Variants in PHLPP1 observed in about 807,000 individuals in gnomAD.
The protein encoded by PHLPP1 is PH domain and leucine rich repeat protein phosphatase 1, also known as PH domain leucine-rich repeat-containing protein phosphatase 1.
Under a neutral mutation model 117.2 loss-of-function variants are expected in PHLPP1, and 42 were observed. The observed-to-expected ratio is 0.36, with a 90% CI of 0.28 to 0.46. The LOEUF (loss-of-function observed/expected upper bound fraction) is 0.46. PHLPP1 is among the 20% of genes least tolerant of loss of function. The probability of loss-of-function intolerance (pLI) is 1.00; values close to 1 mark genes in which losing one functional copy is unlikely to be tolerated. For missense variants in PHLPP1, 2,084 were observed against 2,241.9 expected (o/e 0.93, Z 1.42); for synonymous variants, 1,042 against 970.7 (o/e 1.07, Z -1.37).
Position 62,916,605 on chromosome 18 carries a change from G to GGTGTGTGTGTGTGTGTGTGT in PHLPP1, c.2804+1604_2804+1623dup, listed in dbSNP as rs71340133. 8.7e-3 allele frequency among the ~76,000 whole-genome samples: 1,265 copies of GGTGTGTGTGTGTGTGTGTGT among 145,802 alleles called. 25 individuals carry two copies. Among genetic ancestry groups the GGTGTGTGTGTGTGTGTGTGT allele is most frequent in the African/African-American group, 0.03 (1,198 of 39,594 alleles). ...AGCCATCACCATTAACAAGAGGGTG[G>GGTGTGTGTGTGTGTGTGTGT]GTGTGTGTGTGTGTGTGTGTGTGTG... is the stretch of plus-strand genomic sequence containing the variant. On this transcript the variant is annotated intron_variant, in intron 9 of 16. Coordinates refer to ENST00000262719, the MANE Select transcript of PHLPP1 (RefSeq NM_194449.4).
chr18:62,760,961 G>A (rs916669723), intron 1 of PHLPP1, among the ~76,000 whole-genome samples: 6 of 152,124 alleles, frequency 3.9e-5, no homozygotes, highest in African/African-American at 1.4e-4. Flanking sequence ...CTGAGCTCAG[G>A]TGATCCTCCT....
intron 1 of PHLPP1, among the ~76,000 whole-genome samples, chr18:62,728,840 A>C (rs1200411391): frequency 6.6e-6 from 1 of 151,920 alleles, no homozygotes; most frequent in African/African-American, 2.4e-5. Flanking sequence ...AAGGAAGGCT[A>C]ACATGCCTAT....
intron 10 of PHLPP1, among the ~76,000 whole-genome samples, chr18:62,922,855 A>G (rs1401160149): frequency 6.6e-6 from 1 of 152,226 alleles, no homozygotes; most frequent in Non-Finnish European, 1.5e-5. Context: ...TTAAGTAAGA[A>G]CAGTTGTAGT....
intron 2 of PHLPP1, among the ~76,000 whole-genome samples, chr18:62,831,721 T>C (rs1914763142): frequency 6.6e-6 from 1 of 152,212 alleles, no homozygotes; most frequent in Non-Finnish European, 1.5e-5. Flanking sequence ...CACATGTGTA[T>C]GGTAATAAAT....
At chr18:62,835,171 G>A (rs934017310) in intron 2 of PHLPP1, among the ~76,000 whole-genome samples, 27 of 151,306 alleles carry the variant, frequency 1.8e-4, no homozygotes, top group Middle Eastern at 3.4e-3. Context: ...GTGTTGAATA[G>A]AAACAGTAGA....
At chr18:62,778,233 CTT>C (rs1163431389) in intron 1 of PHLPP1, among the ~76,000 whole-genome samples, 1 of 152,052 alleles carries the variant, frequency 6.6e-6, no homozygotes, top group African/African-American at 2.4e-5. Context: ...ATACAGGAGA[CTT>C]TTTTTGAGGG....
chr18:62,792,806 C>T (rs970447735), intron 1 of PHLPP1, among the ~76,000 whole-genome samples: 22 of 142,384 alleles, frequency 1.5e-4, no homozygotes, highest in Non-Finnish European at 2.8e-4. Flanking sequence ...GTCAAGGCTG[C>T]AGTGAACCAT....
chr18:62,954,956 G>C (rs745972625), intron 12 of PHLPP1, among the ~76,000 whole-genome samples: 2 of 152,092 alleles, frequency 1.3e-5, no homozygotes, highest in African/African-American at 2.4e-5. Flanking sequence ...AGTGCACTGC[G>C]CTTAGGATAT....
At chr18:62,755,969 A>G (rs2144241181) in intron 1 of PHLPP1, among the ~76,000 whole-genome samples, 1 of 150,700 alleles carries the variant, frequency 6.6e-6, no homozygotes, top group African/African-American at 2.5e-5. Flanking sequence ...ATGATTTGTG[A>G]GAATATTTTT....
At chr18:62,917,816 TAAAA>T (rs1352366612) in intron 9 of PHLPP1, among the ~76,000 whole-genome samples, 2 of 148,072 alleles carry the variant, frequency 1.4e-5, no homozygotes, top group Non-Finnish European at 3.0e-5. Flanking sequence ...CCCTGCCTCT[TAAAA>T]AGAAAAAGAA....
At chr18:62,935,867 G>T (rs1909953571) in intron 10 of PHLPP1, among the ~76,000 whole-genome samples, 1 of 152,144 alleles carries the variant, frequency 6.6e-6, no homozygotes, top group Non-Finnish European at 1.5e-5. Context: ...AGCCGGGCTG[G>T]TGATGCATGC....
chr18:62,912,290 C>T (rs2144415075), intron 8 of PHLPP1, among the ~76,000 whole-genome samples: 1 of 127,208 alleles, frequency 7.9e-6, no homozygotes, highest in African/African-American at 2.9e-5. Context: ...TACCCTAAAA[C>T]TTAGAGTATA....
intron 3 of PHLPP1, among the ~76,000 whole-genome samples, chr18:62,853,763 G>C (rs1173250952): frequency 6.6e-6 from 1 of 152,192 alleles, no homozygotes; most frequent in East Asian, 1.9e-4. Context: ...GTTCATTGAT[G>C]GTCTGGCTAA....
At chr18:62,973,468 A>G (rs116043855) in intron 15 of PHLPP1, among the ~76,000 whole-genome samples, 3,640 of 152,332 alleles carry the variant, frequency 0.024, 144 homozygotes, top group African/African-American at 0.082. Context: ...GGAGTGATGA[A>G]TGTACTGGTA....
At position 62,881,771 on chromosome 18, in the gene PHLPP1, T is replaced by C. The variant is rs182540336; in HGVS notation, c.2067-13240T>C. ...TACGTAAGTTCATGTGGATTCATTT[T>C]AGAAGTCATATAGGGACGACAGGAA... On this transcript the variant is annotated intron_variant, in intron 4 of 16. Coordinates refer to ENST00000262719, the MANE Select transcript of PHLPP1 (RefSeq NM_194449.4). Among the ~76,000 whole-genome samples, 77 of 152,330 alleles carry C rather than the reference T, an allele frequency of 5.1e-4. No homozygotes were observed. The East Asian group carries it at 0.013, about 25-fold the overall frequency.
intron 10 of PHLPP1, among the ~76,000 whole-genome samples, chr18:62,921,020 A>G (rs1430575920): frequency 1.3e-5 from 2 of 152,240 alleles, no homozygotes; most frequent in Non-Finnish European, 2.9e-5. Context: ...TAATTTCAAC[A>G]TTAAATGAAG....
At chr18:62,912,167 G>C (rs897495039) in intron 8 of PHLPP1, among the ~76,000 whole-genome samples, 3 of 118,006 alleles carry the variant, frequency 2.5e-5, no homozygotes, top group Admixed American at 8.9e-5. Context: ...TCGGGGGAGG[G>C]GGGAGGGATA....
chr18:62,849,745 G>A (rs1397244302), intron 3 of PHLPP1, among the ~76,000 whole-genome samples: 4 of 121,252 alleles, frequency 3.3e-5, no homozygotes, highest in South Asian at 3.0e-4. Context: ...AAGATCACTT[G>A]AGGCCAGGAG....
intron 14 of PHLPP1, among the ~76,000 whole-genome samples, chr18:62,964,006 C>T (rs1471716905): frequency 1.3e-5 from 2 of 152,026 alleles, no homozygotes; most frequent in South Asian, 2.1e-4. Context: ...TCTTTTTCTT[C>T]TCCATTTTCC....
Sources: gnomAD v4.1 joint callset for allele counts (sites outside exome capture counted in the v4.1 genomes callset) on GRCh38, gnomAD v4.1.1 for gene constraint, MANE v1.5 for transcripts, NCBI Gene and HGNC (gene_info 2026-07-23, HGNC 2026-07-21) for gene names.